The following ARHGAP15 variants were observed in gnomAD, a reference collection of about 807,000 sequenced individuals.
The protein encoded by ARHGAP15 is Rho GTPase activating protein 15, also known as rho GTPase-activating protein 15.
A neutral mutation model predicts 63.7 loss-of-function variants in ARHGAP15; 51 were observed. The observed-to-expected ratio is 0.80, with a 90% CI of 0.64 to 1.01. The LOEUF is 1.01. Ranked by LOEUF, ARHGAP15 falls within the 50% of genes least tolerant of loss-of-function variation. ARHGAP15 has a pLI of 0.00. For missense variants in ARHGAP15, 560 were observed against 564.6 expected, an observed-to-expected ratio of 0.99 and a Z score of 0.08; for synonymous variants, 191 against 193.8, an observed-to-expected ratio of 0.99 and a Z score of 0.12.
At chr2:143,402,506 A>G (rs1688024554) in intron 6 of ARHGAP15, among the ~76,000 whole-genome samples, 1 of 139,276 alleles carries the variant, frequency 7.2e-6, no homozygotes, top group African/African-American at 2.7e-5. Context: ...GGAACTTGAA[A>G]ACTCTGATGT....
chr2:143,510,152 T>C (rs1693517353), intron 9 of ARHGAP15, among the ~76,000 whole-genome samples: 1 of 151,828 alleles, frequency 6.6e-6, no homozygotes, highest in South Asian at 2.1e-4. Context: ...AAAGATGGAA[T>C]TATTAAATTG....
chr2:143,757,537 C>A (rs1022792089), intron 13 of ARHGAP15, among the ~76,000 whole-genome samples: 5 of 151,714 alleles, frequency 3.3e-5, no homozygotes, highest in African/African-American at 7.3e-5. Context: ...TATATATACA[C>A]ATACATACAT....
At chr2:143,533,453 TC>T (rs1470922928) in intron 10 of ARHGAP15, 1 of 152,154 alleles carries the variant, frequency 6.6e-6, no homozygotes, top group East Asian at 1.9e-4. Context: ...TCTGATACTC[TC>T]CTTCTGGCAC....
At chr2:143,542,735 AATATATATAT>A (rs1559040400) in intron 10 of ARHGAP15, among the ~76,000 whole-genome samples, 2,859 of 91,490 alleles carry the variant, frequency 0.031, 219 homozygotes, top group Non-Finnish European at 0.051. Flanking sequence ...TCACATATAT[AATATATATAT>A]GATATATATA....
At chr2:143,379,556 A>C (rs952967269) in intron 6 of ARHGAP15, among the ~76,000 whole-genome samples, 2 of 150,522 alleles carry the variant, frequency 1.3e-5, no homozygotes, top group Non-Finnish European at 3.0e-5. Flanking sequence ...AATCAGCTTC[A>C]TCATGGTATA....
intron 9 of ARHGAP15, among the ~76,000 whole-genome samples, chr2:143,499,297 A>G (rs904155718): frequency 6.6e-6 from 1 of 152,198 alleles, no homozygotes; most frequent in Non-Finnish European, 1.5e-5. Flanking sequence ...TTTGCAGCCA[A>G]TTCAGAATAA....
intron 12 of ARHGAP15, among the ~76,000 whole-genome samples, chr2:143,696,869 G>A (rs1008443488): frequency 6.6e-6 from 1 of 152,166 alleles, no homozygotes; most frequent in Admixed American, 6.5e-5. Context: ...TTCAGTTCCT[G>A]CTTGGTCTTT....
At chr2:143,258,563 C>T (rs761878013) in intron 6 of ARHGAP15, among the ~76,000 whole-genome samples, 5 of 152,082 alleles carry the variant, frequency 3.3e-5, no homozygotes, top group Non-Finnish European at 7.4e-5. Flanking sequence ...ATATAAAACA[C>T]TGCAGGGCAG....
At chr2:143,144,734 G>T (rs921409914) in intron 1 of ARHGAP15, among the ~76,000 whole-genome samples, 1 of 151,612 alleles carries the variant, frequency 6.6e-6, no homozygotes, top group African/African-American at 2.4e-5. Context: ...TTCAACTATT[G>T]CCCATACCCC....
intron 6 of ARHGAP15, among the ~76,000 whole-genome samples, chr2:143,299,607 C>T (rs567491238): frequency 3.3e-5 from 5 of 152,018 alleles, no homozygotes; most frequent in Non-Finnish European, 5.9e-5. Flanking sequence ...CTTTTTTCTA[C>T]GCTTTGTGCT....
chr2:143,512,533 C>G (rs1003511420), intron 9 of ARHGAP15, among the ~76,000 whole-genome samples: 2 of 152,242 alleles, frequency 1.3e-5, no homozygotes, highest in African/African-American at 4.8e-5. Context: ...CCAGTGTCAT[C>G]TGTAAGCAGT....
intron 11 of ARHGAP15, among the ~76,000 whole-genome samples, chr2:143,613,080 C>A (rs1164209463): frequency 6.6e-6 from 1 of 152,162 alleles, no homozygotes; most frequent in Non-Finnish European, 1.5e-5. Flanking sequence ...TAGCCCTGGG[C>A]TTAGCACTTT....
At chr2:143,709,498 G>A (rs1574870638) in intron 13 of ARHGAP15, among the ~76,000 whole-genome samples, 1 of 152,186 alleles carries the variant, frequency 6.6e-6, no homozygotes, top group East Asian at 1.9e-4. Context: ...CTTCCCTTTT[G>A]CATTGACTCT....
chr2:143,293,518 CAT>C (rs929923396), intron 6 of ARHGAP15, among the ~76,000 whole-genome samples: 9 of 152,202 alleles, frequency 5.9e-5, no homozygotes, highest in Admixed American at 1.3e-4. Context: ...TATCCCAAAA[CAT>C]ATCCATTTCG....
chr2:143,736,981 C>G (rs1364629205), intron 13 of ARHGAP15, among the ~76,000 whole-genome samples: 1 of 152,222 alleles, frequency 6.6e-6, no homozygotes, highest in Non-Finnish European at 1.5e-5. Flanking sequence ...CAAAGCAACT[C>G]TCTTCCTTTT....
At chr2:143,441,198 T>A (rs1487097382) in intron 8 of ARHGAP15, among the ~76,000 whole-genome samples, 1 of 151,986 alleles carries the variant, frequency 6.6e-6, no homozygotes. Flanking sequence ...CATATAAGCT[T>A]GCCATCCTAC....
chr2:143,660,208 G>GT (rs1010847894), intron 12 of ARHGAP15, among the ~76,000 whole-genome samples: 40 of 151,976 alleles, frequency 2.6e-4, no homozygotes, highest in Admixed American at 1.0e-3. Context: ...AATTTGATCT[G>GT]TTTTTTTTAA....
intron 12 of ARHGAP15, among the ~76,000 whole-genome samples, chr2:143,639,471 A>G (rs1559096145): frequency 6.6e-6 from 1 of 152,132 alleles, no homozygotes; most frequent in African/African-American, 2.4e-5. Context: ...AGGATATGTA[A>G]ATTTATTTGT....
intron 2 of ARHGAP15, chr2:143,162,033 A>G (rs554016022): frequency 7.9e-5 from 12 of 152,102 alleles, no homozygotes; most frequent in African/African-American, 2.9e-4. Context: ...ACAAATCTAG[A>G]GGGCTAAAAT....
Sources: allele counts gnomAD v4.1 joint callset (sites outside exome capture counted in the v4.1 genomes callset), GRCh38; gene constraint gnomAD v4.1.1; transcripts MANE v1.5; gene names NCBI Gene and HGNC (gene_info 2026-07-23, HGNC 2026-07-21).